CSMD1: variants seen among roughly 807,000 people sequenced by gnomAD.
CSMD1 encodes the protein CUB and sushi domain-containing protein 1.
A neutral mutation model predicts 417.5 loss-of-function variants in CSMD1; 213 were observed. That is an observed-to-expected ratio of 0.51 (90% CI 0.46 to 0.57). CSMD1 has a LOEUF of 0.57. Ranked by LOEUF, CSMD1 falls within the 20% of genes least tolerant of loss-of-function variation. CSMD1 has a pLI of 0.00. For synonymous variants in CSMD1, 2,862 were observed against 1,736.8 expected (o/e 1.65, Z -16.11); for missense variants, 6,923 against 4,529.7 (o/e 1.53, Z -15.17).
At chr8:3,472,508 A>AT (rs1304394228) in intron 11 of CSMD1, among the ~76,000 whole-genome samples, 1 of 152,128 alleles carries the variant, frequency 6.6e-6, no homozygotes, top group African/African-American at 2.4e-5. Flanking sequence ...CCAACTTGAG[A>AT]TCAATCCAAC....
intron 12 of CSMD1, among the ~76,000 whole-genome samples, chr8:3,437,962 A>C (rs746122588): frequency 6.6e-6 from 1 of 152,138 alleles, no homozygotes; most frequent in East Asian, 1.9e-4. Flanking sequence ...GCTCATCTCG[A>C]ACTGCTGACC....
At chr8:3,734,255 T>A (rs1055721087) in intron 6 of CSMD1, among the ~76,000 whole-genome samples, 5 of 152,204 alleles carry the variant, frequency 3.3e-5, no homozygotes, top group African/African-American at 1.2e-4. Context: ...TCAGCACCAT[T>A]CCATGTTTCA....
chr8:3,154,130 G>A (rs970032413), intron 39 of CSMD1, among the ~76,000 whole-genome samples: 2 of 152,170 alleles, frequency 1.3e-5, no homozygotes, highest in African/African-American at 4.8e-5. Context: ...CTGCGACTAC[G>A]CCTGGCTAAT....
At chr8:4,974,949 C>T (rs993180058) in intron 1 of CSMD1, among the ~76,000 whole-genome samples, 4 of 152,118 alleles carry the variant, frequency 2.6e-5, no homozygotes, top group South Asian at 2.1e-4. Context: ...AAGAATTATT[C>T]GACAATAGAT....
intron 5 of CSMD1, among the ~76,000 whole-genome samples, chr8:3,939,939 G>A (rs1416601381): frequency 6.6e-6 from 1 of 152,062 alleles, no homozygotes; most frequent in African/African-American, 2.4e-5. Context: ...CAGGTGCACC[G>A]AATCTCAGAA....
At chr8:3,683,047 G>T (rs1428361128) in intron 7 of CSMD1, among the ~76,000 whole-genome samples, 3 of 152,066 alleles carry the variant, frequency 2.0e-5, no homozygotes, top group Non-Finnish European at 2.9e-5. Flanking sequence ...GGACTGTTGT[G>T]GGGTGGGGGT....
At chr8:4,260,472 T>G (rs1011559354) in intron 3 of CSMD1, among the ~76,000 whole-genome samples, 6 of 152,284 alleles carry the variant, frequency 3.9e-5, no homozygotes, top group Non-Finnish European at 7.4e-5. Flanking sequence ...TAGTGAACAT[T>G]GTTCACCTGA....
intron 28 of CSMD1, 24 bp downstream of exon 28, chr8:3,223,705 G>A (rs371185441): frequency 6.2e-7 from 1 of 1,611,166 alleles, no homozygotes; most frequent in Non-Finnish European, 8.5e-7. Context: ...CTACTAAAAA[G>A]AGGTATTCTG....
chr8:4,926,299 CGAAAG>C (rs1806868255), intron 1 of CSMD1, among the ~76,000 whole-genome samples: 1 of 151,974 alleles, frequency 6.6e-6, no homozygotes, highest in Non-Finnish European at 1.5e-5. Context: ...TTGGTTCTAA[CGAAAG>C]GAAGAAATAA....
chr8:4,488,331 A>G lies in CSMD1; in HGVS notation c.303-68266T>C, dbSNP rs182442875. ...AGTAGTTAACATGTGTAAAGTGCTTATGATATCCAAGTGTATTCTGAACAC... is the reference window on the plus strand; with the variant it reads ...AGTAGTTAACATGTGTAAAGTGCTTGTGATATCCAAGTGTATTCTGAACAC... On this transcript the variant is annotated intron_variant, in intron 2 of 69. Transcript: ENST00000635120. Among the ~76,000 whole-genome samples, 358 of 152,274 alleles carry G rather than the reference A, an allele frequency of 2.4e-3. 2 individuals are homozygous for G. The highest frequency in any genetic ancestry group is 4.0e-3 in the Admixed American group (61 of 15,294).
chr8:4,126,504 G>A (rs906619814), intron 3 of CSMD1, among the ~76,000 whole-genome samples: 1 of 152,196 alleles, frequency 6.6e-6, no homozygotes, highest in Non-Finnish European at 1.5e-5. Flanking sequence ...CACACTGGAA[G>A]CAGGAGGTCT....
At chr8:3,956,353 G>C (rs888861403) in intron 5 of CSMD1, among the ~76,000 whole-genome samples, 1 of 152,160 alleles carries the variant, frequency 6.6e-6, no homozygotes, top group East Asian at 1.9e-4. Flanking sequence ...TTAGTCAGTT[G>C]CCTTATAGAA....
intron 1 of CSMD1, among the ~76,000 whole-genome samples, chr8:4,838,137 A>C (rs1310021815): frequency 6.6e-6 from 1 of 152,126 alleles, no homozygotes; most frequent in Non-Finnish European, 1.5e-5. Flanking sequence ...TTTTAAAGCA[A>C]GGGGGAAATA....
intron 3 of CSMD1, among the ~76,000 whole-genome samples, chr8:4,219,246 T>C (rs914651318): frequency 2.0e-5 from 3 of 152,228 alleles, no homozygotes; most frequent in African/African-American, 4.8e-5. Flanking sequence ...ATCTGCTAAA[T>C]ATAGTTACCA....
chr8:4,902,964 G>A (rs1207854110), intron 1 of CSMD1, among the ~76,000 whole-genome samples: 4 of 116,346 alleles, frequency 3.4e-5, no homozygotes, highest in Admixed American at 1.0e-4. Context: ...AATAAACTTT[G>A]AATACTAAAC....
At chr8:3,567,524 G>A (rs964491239) in intron 10 of CSMD1, among the ~76,000 whole-genome samples, 84 of 138,972 alleles carry the variant, frequency 6.0e-4, no homozygotes, top group Non-Finnish European at 9.5e-4. Context: ...GGGGGAAGGG[G>A]ATGGGGGAGG....
Position 4,440,380 on chromosome 8 carries a change from G to A in CSMD1, c.303-20315C>T, listed in dbSNP as rs186953. On this transcript the variant is annotated intron_variant, in intron 2 of 69. Coordinates refer to ENST00000635120, the MANE Select transcript of CSMD1 (RefSeq NM_033225.6). ...ATTTATGCAATTATACAATGAATAA[G>A]GAGTCAGAGGATTGCTCTCACTCAC... is the stretch of plus-strand genomic sequence containing the variant. Among the ~76,000 whole-genome samples the A allele has an allele frequency of 1.5e-4, 23 of 152,180 alleles. No homozygotes were observed. In the South Asian group the frequency reaches 1.7e-3, roughly 11 times the overall value.
intron 23 of CSMD1, among the ~76,000 whole-genome samples, chr8:3,321,907 G>C (rs1366947751): frequency 6.6e-6 from 1 of 152,174 alleles, no homozygotes; most frequent in African/African-American, 2.4e-5. Context: ...TATGCAATTA[G>C]GGGAATTTCA....
At chr8:3,747,184 G>A (rs1445211323) in intron 6 of CSMD1, among the ~76,000 whole-genome samples, 1 of 152,168 alleles carries the variant, frequency 6.6e-6, no homozygotes, top group East Asian at 1.9e-4. Flanking sequence ...CCATTTGCAA[G>A]CTGTATGACG....
Sources: gnomAD v4.1 joint callset for allele counts (sites outside exome capture counted in the v4.1 genomes callset) on GRCh38, gnomAD v4.1.1 for gene constraint, MANE v1.5 for transcripts, NCBI Gene and HGNC (gene_info 2026-07-23, HGNC 2026-07-21) for gene names.